Variants in ABAT observed in about 807,000 individuals in gnomAD.
ABAT encodes 4-aminobutyrate aminotransferase.
In ABAT, 45 loss-of-function variants were observed where a neutral mutation model predicts 64.6. That is an observed-to-expected ratio of 0.70 (90% CI 0.55 to 0.89). ABAT has a LOEUF of 0.89. Ranked by LOEUF, ABAT falls within the 40% of genes least tolerant of loss-of-function variation. ABAT has a pLI of 0.00. For missense variants in ABAT, 633 were observed against 658.4 expected (o/e 0.96, Z 0.42); for synonymous variants, 297 against 250.5 (o/e 1.19, Z -1.75).
intron 2 of ABAT, chr16:8,736,837 A>G (rs1464933470): frequency 6.6e-6 from 1 of 151,382 alleles, no homozygotes; most frequent in Non-Finnish European, 1.5e-5. Context: ...AATGCTAACT[A>G]CTCCTCCGTG....
At chr16:8,769,014 C>G (rs1011316571) in intron 11 of ABAT, 41 bp downstream of exon 11, 37 of 1,613,268 alleles carry the variant, frequency 2.3e-5, no homozygotes, top group Non-Finnish European at 3.1e-5. Flanking sequence ...ACCACCAGTC[C>G]TGTTGCTCTT....
chr16:8,715,845 T>A (rs1420082), intron 1 of ABAT, among the ~76,000 whole-genome samples: 1 of 151,948 alleles, frequency 6.6e-6, no homozygotes, highest in Non-Finnish European at 1.5e-5. Context: ...ACTGAGGTTA[T>A]GTAAGAGAAC....
intron 2 of ABAT, among the ~76,000 whole-genome samples, chr16:8,739,321 G>C (rs963928696): frequency 6.6e-6 from 1 of 152,196 alleles, no homozygotes; most frequent in African/African-American, 2.4e-5. Context: ...TTAACCAAGT[G>C]AGCCTAACCG....
intron 1 of ABAT, among the ~76,000 whole-genome samples, chr16:8,724,554 A>G (rs1280624760): frequency 6.6e-6 from 1 of 152,062 alleles, no homozygotes; most frequent in Non-Finnish European, 1.5e-5. Flanking sequence ...CAACATGGTG[A>G]AACCCCATCT....
In ABAT at chr16:8,764,659, A is replaced by T; in HGVS notation, c.448-79A>T. On this transcript the variant is annotated intron_variant, in intron 7 of 15. Transcript: ENST00000268251. This position sits in a 1 kb window ranked among gnomAD's most constrained non-coding sequence, Gnocchi z 4.2. ...TCTGTCCCCGGTACGGCCCCTGCGA[A>T]GATTCAGCTCCAGCCAGGGGAAGCG... The T allele has an allele frequency of 7.4e-7, 1 of 1,355,762 alleles. No homozygotes were observed. The highest frequency in any genetic ancestry group is 1.1e-6 in the Non-Finnish European group (1 of 946,726). The allele number at this position is 1,355,762 out of a possible 1,614,324, so 84.0% of individuals were successfully genotyped here. A position where few individuals can be genotyped will look rare whatever the true frequency, so the allele number is the denominator to read the frequency against.
At chr16:8,759,568 A>AGG (rs1002145190) in intron 6 of ABAT, among the ~76,000 whole-genome samples, 4 of 152,122 alleles carry the variant, frequency 2.6e-5, no homozygotes, top group African/African-American at 9.7e-5. Flanking sequence ...GCTAGAGTGC[A>AGG]GGGGTGCAAT....
At chr16:8,723,827 A>ATT (rs1157410078) in intron 1 of ABAT, among the ~76,000 whole-genome samples, 10 of 40,360 alleles carry the variant, frequency 2.5e-4, no homozygotes, top group African/African-American at 3.3e-4. Flanking sequence ...ATATATATAT[A>ATT]TTTTTTTTTT....
chr16:8,719,958 C>A (rs1343741546), intron 1 of ABAT, among the ~76,000 whole-genome samples: 1 of 152,144 alleles, frequency 6.6e-6, no homozygotes, highest in Non-Finnish European at 1.5e-5. Context: ...ACTACAGGCA[C>A]CTGCCACCAC....
chr16:8,708,012 C>G (rs1351641345), intron 1 of ABAT, among the ~76,000 whole-genome samples: 1 of 152,154 alleles, frequency 6.6e-6, no homozygotes, highest in Non-Finnish European at 1.5e-5. Context: ...CAGTCTTGGC[C>G]TGAGTAGGAG....
At chr16:8,696,224 A>G (rs2057698172) in intron 1 of ABAT, among the ~76,000 whole-genome samples, 1 of 152,134 alleles carries the variant, frequency 6.6e-6, no homozygotes, top group Admixed American at 6.6e-5. Context: ...TCTGTCCAGG[A>G]CTCAGCACAG....
chr16:8,748,598 C>G (rs1731037), intron 4 of ABAT, among the ~76,000 whole-genome samples: 92,965 of 151,926 alleles, frequency 0.61, 28,501 homozygotes, highest in Admixed American at 0.65. Context: ...CTAATCTTCT[C>G]CCTAGTTGTC....
chr16:8,739,674 C>T (rs1299325783), intron 2 of ABAT, among the ~76,000 whole-genome samples: 2 of 151,994 alleles, frequency 1.3e-5, no homozygotes, highest in African/African-American at 2.4e-5. Flanking sequence ...CATGTGAAAG[C>T]ACTTTATTTG....
chr16:8,774,885 GC>G lies in ABAT; in HGVS notation c.955-3del. 6.2e-7 allele frequency: 1 copy of G among 1,613,750 alleles called. No individual in the cohort carries two copies. Among genetic ancestry groups the G allele is most frequent in the South Asian group, 1.1e-5 (1 of 91,064 alleles). On this transcript the variant is annotated splice_region_variant and splice_polypyrimidine_tract_variant and intron_variant, in intron 12 of 15. Coordinates refer to ENST00000268251, the MANE Select transcript of ABAT (RefSeq NM_020686.6). ...ATTTCTCCCTCCTCTCTCTTCTCCG[GC>G]CAGCATGGCTGCGCCTTCTTGGTGG...
At chr16:8,775,112 T>C (rs1434892305) in intron 13 of ABAT, 55 bp downstream of exon 13, 1 of 1,611,270 alleles carries the variant, frequency 6.2e-7, no homozygotes, top group African/African-American at 1.3e-5. Context: ...GAGCATCCTC[T>C]TCTCCTAACT....
intron 9 of ABAT, among the ~76,000 whole-genome samples, chr16:8,766,575 A>C (rs1042149269): frequency 8.5e-5 from 13 of 152,128 alleles, no homozygotes; most frequent in African/African-American, 3.1e-4. Flanking sequence ...GAATCATTTG[A>C]ACCCAGGAGG....
intron 9 of ABAT, 63 bp downstream of exon 9, chr16:8,766,333 T>C: frequency 2.6e-6 from 4 of 1,544,510 alleles, no homozygotes; most frequent in Non-Finnish European, 3.6e-6. Flanking sequence ...TCCCGGGCTG[T>C]TGCTGGCTGG....
At chr16:8,685,787 T>C (rs1374197582) in intron 1 of ABAT, among the ~76,000 whole-genome samples, 2 of 152,152 alleles carry the variant, frequency 1.3e-5, no homozygotes, top group Non-Finnish European at 2.9e-5. Context: ...AAGAGGAGGC[T>C]GTAGGAAGAG....
chr16:8,739,229 C>T (rs1260755456), intron 2 of ABAT, among the ~76,000 whole-genome samples: 1 of 152,172 alleles, frequency 6.6e-6, no homozygotes. Flanking sequence ...TTCTCCAGGA[C>T]ATCTGAGCTT....
At chr16:8,740,568 T>C (rs754792119) in intron 2 of ABAT, among the ~76,000 whole-genome samples, 5 of 152,136 alleles carry the variant, frequency 3.3e-5, no homozygotes, top group Non-Finnish European at 4.4e-5. Flanking sequence ...GTGCCAAAAA[T>C]GGAAGCCTCA....
Sources: gnomAD v4.1 joint callset for allele counts (sites outside exome capture counted in the v4.1 genomes callset) on GRCh38, gnomAD v4.1.1 for gene constraint, Gnocchi (gnomAD v3.1) non-coding constraint, MANE v1.5 for transcripts, NCBI Gene and HGNC (gene_info 2026-07-23, HGNC 2026-07-21) for gene names.